Variants in CAMKV observed in about 807,000 individuals in gnomAD.
CAMKV encodes CaM kinase like vesicle associated, also known as caM kinase-like vesicle-associated protein.
Under a neutral mutation model 50.2 loss-of-function variants are expected in CAMKV, and 5 were observed. The observed-to-expected ratio is 0.10, with a 90% CI of 0.05 to 0.21. The LOEUF is 0.21. CAMKV is among the 10% of genes least tolerant of loss of function. The probability of loss-of-function intolerance (pLI) is 1.00; values close to 1 mark genes in which losing one functional copy is unlikely to be tolerated. For missense variants in CAMKV, 361 were observed against 650.5 expected (o/e 0.55, Z 4.84); for synonymous variants, 229 against 250.1 (o/e 0.92, Z 0.80).
chr3:49,866,069 C>T (rs1231055232), intron 1 of CAMKV, among the ~76,000 whole-genome samples: 1 of 150,802 alleles, frequency 6.6e-6, no homozygotes, highest in East Asian at 2.0e-4. Context: ...CCCCTGCCCC[C>T]TACTATGGCT....
intron 1 of CAMKV, among the ~76,000 whole-genome samples, chr3:49,865,275 G>A (rs1390833209): frequency 1.3e-5 from 2 of 152,070 alleles, no homozygotes; most frequent in Admixed American, 6.5e-5. Context: ...TACCATTGCC[G>A]GCTACACATT....
chr3:49,865,481 T>A (rs1460386947), intron 1 of CAMKV, among the ~76,000 whole-genome samples: 1 of 152,054 alleles, frequency 6.6e-6, no homozygotes, highest in Admixed American at 6.6e-5. Flanking sequence ...TCCCGTCAGA[T>A]TCCTATTTGT....
Position 49,862,127 on chromosome 3 carries a change from G to C in CAMKV, c.145C>G (p.Leu49Val), listed in dbSNP as rs2082026707. The part of the protein sequence containing the change: ...FRAKDKTTGK[L>V]HTCKKFQKRD... ...TTCTGGAACTTCTTGCAGGTGTGCA[G>C]CTTGCCTGTCGTCTTGTCCTTGGCC... Residue 49 changes from leucine to valine, a missense_variant, in exon 3 of 11, where the codon CTG becomes GTG. Around this residue, in one of 4 missense-constraint regions of CAMKV, gnomAD observed 172 missense variants for 414.3 expected, o/e 0.42. Coordinates refer to ENST00000477224, the MANE Select transcript of CAMKV (RefSeq NM_024046.5). The surrounding 1 kb of genome is among the most constrained non-coding windows in gnomAD (Gnocchi z 5.2). 1 of 1,614,196 alleles carries C rather than the reference G, an allele frequency of 6.2e-7. No individual in the cohort carries two copies. Among genetic ancestry groups the C allele is most frequent in the Non-Finnish European group, 8.5e-7 (1 of 1,180,042 alleles).
Position 49,860,096 on chromosome 3 carries a change from G to T in CAMKV, c.942+75C>A. On this transcript the variant is annotated intron_variant, in intron 10 of 10. Coordinates refer to ENST00000477224, the MANE Select transcript of CAMKV (RefSeq NM_024046.5). This position sits in a 1 kb window ranked among gnomAD's most constrained non-coding sequence, Gnocchi z 6.1. Reference sequence around the variant, plus strand: ...AAAGCTTGTGTGTGGCTGCAGGGGTGTGATGCAGGCAAGAAACTGAGTGCC... The same window carrying T: ...AAAGCTTGTGTGTGGCTGCAGGGGTTTGATGCAGGCAAGAAACTGAGTGCC... The T allele has an allele frequency of 1.5e-6, 2 of 1,335,744 alleles. No individual in the cohort carries two copies. The highest frequency in any genetic ancestry group is 2.2e-6 in the Non-Finnish European group (2 of 928,340). The allele number at this position is 1,335,744 out of a possible 1,614,324, so 82.7% of individuals were successfully genotyped here.
intron 1 of CAMKV, among the ~76,000 whole-genome samples, chr3:49,866,027 G>A (rs1452185070): frequency 6.6e-6 from 1 of 152,220 alleles, no homozygotes; most frequent in Non-Finnish European, 1.5e-5. Context: ...ATGTCCTGAA[G>A]CCTCAAGGCT....
Position 49,861,776 on chromosome 3 carries a change from C to T in CAMKV, c.302+15G>A. 1.9e-6 allele frequency: 3 copies of T among 1,612,188 alleles called. No individual in the cohort carries two copies. The highest frequency in any genetic ancestry group is 8.5e-7 in the Non-Finnish European group (1 of 1,178,500). On this transcript the variant is annotated intron_variant, in intron 4 of 10. Coordinates refer to ENST00000477224, the MANE Select transcript of CAMKV (RefSeq NM_024046.5). The surrounding 1 kb of genome is among the most constrained non-coding windows in gnomAD (Gnocchi z 7.7). ...TGGGCGCTGGGGAATCTTGGGTCCC[C>T]AGACCCACACTCACAGCTCCAGGAA...
At position 49,859,378 on chromosome 3, in the gene CAMKV, A is replaced by G; in HGVS notation, c.1446T>C (p.Ser482=). 1 of 1,576,388 alleles carries G rather than the reference A, an allele frequency of 6.3e-7. No homozygotes were observed. The part of the protein sequence containing the change: ...PEGATGQAPP[S]SKGEEAAGYA... ...AACCAGCAGCCTCTTCCCCTTTACT[A>G]GAGGGTGGAGCCTGGCCTGTGGCGC... The change falls in exon 11 of 11, where the codon TCT becomes TCC. Residue 482 remains serine, a synonymous_variant. Coordinates refer to ENST00000477224, the MANE Select transcript of CAMKV (RefSeq NM_024046.5). This position sits in a 1 kb window ranked among gnomAD's most constrained non-coding sequence, Gnocchi z 5.5.
chr3:49,868,668 T>C (rs2082083090), intron 1 of CAMKV, among the ~76,000 whole-genome samples: 1 of 152,170 alleles, frequency 6.6e-6, no homozygotes, highest in Non-Finnish European at 1.5e-5. Context: ...GAGACACCAG[T>C]TCCCCAGTTG....
chr3:49,866,140 C>T (rs1166573537), intron 1 of CAMKV, among the ~76,000 whole-genome samples: 2 of 152,028 alleles, frequency 1.3e-5, no homozygotes, highest in Admixed American at 6.5e-5. Flanking sequence ...AGTATACTGG[C>T]TTGGGGCCCT....
chr3:49,859,942 G>A lies in CAMKV; in HGVS notation c.943-61C>T, dbSNP rs2082007569. The A allele has an allele frequency of 4.8e-6, 7 of 1,457,442 alleles. No homozygotes were observed. In the East Asian group the frequency reaches 1.6e-4, roughly 34 times the overall value. 90.3% of individuals were successfully genotyped at this position (1,457,442 alleles called of 1,614,324 possible). A position where few individuals can be genotyped will look rare whatever the true frequency, so the allele number is the denominator to read the frequency against. ...GGCTTGCTGGATCCATTGCTTGGCA[G>A]TGACCAAACCAAACTCCTTCCATAG... On this transcript the variant is annotated intron_variant, in intron 10 of 10. Transcript: ENST00000477224. The surrounding 1 kb of genome is among the most constrained non-coding windows in gnomAD (Gnocchi z 5.5).
chr3:49,860,302 T>C lies in CAMKV; in HGVS notation c.855-44A>G. On this transcript the variant is annotated intron_variant, in intron 9 of 10. Coordinates refer to ENST00000477224, the MANE Select transcript of CAMKV (RefSeq NM_024046.5). This position sits in a 1 kb window ranked among gnomAD's most constrained non-coding sequence, Gnocchi z 6.1. Reference sequence around the variant, plus strand: ...TGTCTGGATCTGAGAGAATGAGCCTTTGTGGAGACTCTGCTCAGCCCTTCT... The same window carrying C: ...TGTCTGGATCTGAGAGAATGAGCCTCTGTGGAGACTCTGCTCAGCCCTTCT... 6.3e-7 allele frequency: 1 copy of C among 1,588,526 alleles called. No homozygotes were observed. The highest frequency in any genetic ancestry group is 8.6e-7 in the Non-Finnish European group (1 of 1,156,812).
intron 1 of CAMKV, among the ~76,000 whole-genome samples, chr3:49,863,196 A>C (rs1039540154): frequency 6.6e-6 from 1 of 152,238 alleles, no homozygotes; most frequent in African/African-American, 2.4e-5. Context: ...GGCAGAACAA[A>C]CCCGTAAGGG....
intron 1 of CAMKV, among the ~76,000 whole-genome samples, chr3:49,864,472 T>G (rs2082048153): frequency 6.6e-6 from 1 of 152,148 alleles, no homozygotes; most frequent in Non-Finnish European, 1.5e-5. Flanking sequence ...CCCACAGGTC[T>G]GCAATCCTGC....
rs2082030401 is a variant in CAMKV, at chr3:49,862,502, AG to A, written c.-14-101del. 2.0e-6 allele frequency: 2 copies of A among 983,360 alleles called. No homozygotes were observed. Among genetic ancestry groups the A allele is most frequent in the Non-Finnish European group, 3.2e-6 (2 of 621,752 alleles). The allele number at this position is 983,360 out of a possible 1,614,324, so 60.9% of individuals were successfully genotyped here. A position where few individuals can be genotyped will look rare whatever the true frequency, so the allele number is the denominator to read the frequency against. On this transcript the variant is annotated intron_variant, in intron 1 of 10. Transcript: ENST00000477224. This position sits in a 1 kb window ranked among gnomAD's most constrained non-coding sequence, Gnocchi z 5.2. ...ACCCCAACCTGGCTCAGGCCAAGCT[AG>A]GGGCAGAGACCATACCAGGAGGGGC...
chr3:49,858,236 C>A lies in CAMKV; in HGVS notation c.*1082G>T, dbSNP rs2081992657. ...CCCTACTTCCTCATCCCAGAAAAAG[C>A]AACTCAATGTGGCTCTGAGGCACCT... On this transcript the variant is annotated 3_prime_UTR_variant, in exon 11 of 11. Coordinates refer to ENST00000477224, the MANE Select transcript of CAMKV (RefSeq NM_024046.5). The A allele has an allele frequency of 7.5e-6, 3 of 398,632 alleles. No homozygotes were observed. Among genetic ancestry groups the A allele is most frequent in the Non-Finnish European group, 1.3e-5 (3 of 226,064 alleles). The allele number at this position is 398,632 out of a possible 1,614,324, so 24.7% of individuals were successfully genotyped here.
intron 1 of CAMKV, among the ~76,000 whole-genome samples, chr3:49,867,691 A>G (rs1209943034): frequency 6.6e-6 from 1 of 152,060 alleles, no homozygotes; most frequent in East Asian, 1.9e-4. Context: ...TGCTTCTTCA[A>G]GGTTCTGTGA....
In CAMKV at chr3:49,862,379, C is replaced by T; in HGVS notation, c.10G>A (p.Gly4Arg). 6.2e-7 allele frequency: 1 copy of T among 1,614,162 alleles called. No homozygotes were observed. The highest frequency in any genetic ancestry group is 8.5e-7 in the Non-Finnish European group (1 of 1,179,998). ...TTCTTGTCGCCCAGAGTCACACACCCAAACGGCATTGCCAGGCTCTAACCT... is the reference window on the plus strand; with the variant it reads ...TTCTTGTCGCCCAGAGTCACACACCTAAACGGCATTGCCAGGCTCTAACCT... The part of the protein sequence containing the change: MPF[G>R]CVTLGDKKNY... Residue 4 changes from glycine to arginine, a missense_variant, in exon 2 of 11, where the codon GGG becomes AGG. Gly to Arg is a moderately radical substitution (Grantham distance 125, BLOSUM62 -2). Transcript: ENST00000477224. The surrounding 1 kb of genome is among the most constrained non-coding windows in gnomAD (Gnocchi z 5.2).
At position 49,869,892 on chromosome 3, in the gene CAMKV, C is replaced by G. The variant is rs2082095041; in HGVS notation, c.-149G>C. On this transcript the variant is annotated 5_prime_UTR_variant, in exon 1 of 11. Coordinates refer to ENST00000477224, the MANE Select transcript of CAMKV (RefSeq NM_024046.5). This position sits in a 1 kb window ranked among gnomAD's most constrained non-coding sequence, Gnocchi z 5.2. ...CGCCAGATGCAGCCGCTTCGGCTAG[C>G]GAACCTCCAGCATCGCCAGCCGCTT... is the stretch of plus-strand genomic sequence containing the variant. 4 of 152,168 alleles carry G rather than the reference C, an allele frequency of 2.6e-5. No individual in the cohort carries two copies. Among genetic ancestry groups the G allele is most frequent in the Admixed American group, 6.5e-5 (1 of 15,288 alleles). 9.4% of individuals were successfully genotyped at this position (152,168 alleles called of 1,614,324 possible).
At chr3:49,868,712 C>T (rs1186568648) in intron 1 of CAMKV, among the ~76,000 whole-genome samples, 1 of 152,146 alleles carries the variant, frequency 6.6e-6, no homozygotes, top group Non-Finnish European at 1.5e-5. Flanking sequence ...CTGGAGCTGC[C>T]AGGAATCAAC....
Sources: allele counts gnomAD v4.1 joint callset (sites outside exome capture counted in the v4.1 genomes callset), GRCh38; gene constraint gnomAD v4.1.1; regional missense constraint gnomAD v4.1.1; non-coding constraint Gnocchi (gnomAD v3.1); transcripts MANE v1.5; gene names NCBI Gene and HGNC (gene_info 2026-07-23, HGNC 2026-07-21).